EGFLAM: variants seen among roughly 807,000 people sequenced by gnomAD.
EGFLAM encodes the protein pikachurin.
A neutral mutation model predicts 113.1 loss-of-function variants in EGFLAM; 79 were observed. That is an observed-to-expected ratio of 0.70 (90% CI 0.58 to 0.84). The LOEUF is 0.84. Among genes scored for constraint, EGFLAM ranks in the 40% least tolerant of loss-of-function variants. The pLI is 0.00. For missense variants in EGFLAM, 1,265 were observed against 1,291.6 expected (o/e 0.98, Z 0.32); for synonymous variants, 504 against 487.6 (o/e 1.03, Z -0.44).
intron 6 of EGFLAM, among the ~76,000 whole-genome samples, chr5:38,380,181 C>A (rs1457302328): frequency 6.6e-6 from 1 of 152,228 alleles, no homozygotes; most frequent in African/African-American, 2.4e-5. Flanking sequence ...GGCCCACGGG[C>A]CACAGTTTGC....
In EGFLAM at chr5:38,445,740, C is replaced by T. The variant is rs760393863; in HGVS notation, c.2465-2561C>T. ...AGTCCTGTGAGAAACTGCGAGAGCGCTCTGGGCTGGGGCAGGCCAACCGCA... is the reference window on the plus strand; with the variant it reads ...AGTCCTGTGAGAAACTGCGAGAGCGTTCTGGGCTGGGGCAGGCCAACCGCA... On this transcript the variant is annotated intron_variant, in intron 17 of 21. Coordinates refer to ENST00000322350, the MANE Select transcript of EGFLAM (RefSeq NM_152403.4). The T allele has an allele frequency of 1.4e-5, 22 of 1,595,520 alleles. No individual in the cohort carries two copies. The African/African-American group carries it at 2.4e-4, about 17-fold the overall frequency.
intron 1 of EGFLAM, among the ~76,000 whole-genome samples, chr5:38,325,679 C>T (rs1028905118): frequency 4.6e-5 from 7 of 152,134 alleles, no homozygotes; most frequent in South Asian, 2.1e-4. Context: ...AAGATACTGG[C>T]GCACTATATG....
chr5:38,398,737 G>A (rs147542896), intron 6 of EGFLAM, among the ~76,000 whole-genome samples: 160 of 152,286 alleles, frequency 1.1e-3, no homozygotes, highest in South Asian at 5.8e-3. Context: ...AGGATCTTGG[G>A]AAGACTTTGA....
intron 1 of EGFLAM, among the ~76,000 whole-genome samples, chr5:38,294,452 G>A (rs944561936): frequency 2.0e-5 from 3 of 152,042 alleles, no homozygotes; most frequent in Non-Finnish European, 4.4e-5. Context: ...TTCCATTTTG[G>A]GGCAGGAGAT....
intron 3 of EGFLAM, among the ~76,000 whole-genome samples, chr5:38,345,118 T>A (rs1422528526): frequency 6.6e-6 from 1 of 152,162 alleles, no homozygotes; most frequent in Admixed American, 6.5e-5. Context: ...AGTCAGATAA[T>A]TAGAACCGTA....
intron 1 of EGFLAM, among the ~76,000 whole-genome samples, chr5:38,311,423 TGTAA>T (rs1345551678): frequency 2.6e-5 from 4 of 152,184 alleles, no homozygotes; most frequent in African/African-American, 9.7e-5. Flanking sequence ...AGATCCTATA[TGTAA>T]GTGAGATCAT....
At chr5:38,448,238 G>C (rs941838935) in intron 17 of EGFLAM, 63 bp from the exon 18 acceptor site, 2 of 1,539,700 alleles carry the variant, frequency 1.3e-6, no homozygotes, top group African/African-American at 2.9e-5. Context: ...CCTGCCATGT[G>C]TGTGAGTGCA....
chr5:38,416,384 GC>G (rs1490510430), intron 11 of EGFLAM, among the ~76,000 whole-genome samples: 1 of 152,200 alleles, frequency 6.6e-6, no homozygotes, highest in Non-Finnish European at 1.5e-5. Context: ...TATGGCTTCT[GC>G]CTGATCCAGT....
chr5:38,322,496 G>A (rs1395651991), intron 1 of EGFLAM, among the ~76,000 whole-genome samples: 7 of 152,176 alleles, frequency 4.6e-5, no homozygotes, highest in Admixed American at 3.9e-4. Context: ...ACTGCCCTGA[G>A]GAGCTGTTCC....
intron 17 of EGFLAM, among the ~76,000 whole-genome samples, chr5:38,440,258 G>T (rs757679734): frequency 3.9e-5 from 6 of 152,190 alleles, no homozygotes; most frequent in Admixed American, 6.5e-5. Flanking sequence ...TGTTGAATTA[G>T]TATCAGATTG....
intron 6 of EGFLAM, among the ~76,000 whole-genome samples, chr5:38,397,813 T>TAA (rs111277812): frequency 0.048 from 7,313 of 152,190 alleles, 580 homozygotes; most frequent in African/African-American, 0.16. Context: ...AAAGGGGACT[T>TAA]AAAAATCCAG....
intron 17 of EGFLAM, among the ~76,000 whole-genome samples, chr5:38,440,531 T>C (rs1050636201): frequency 2.0e-5 from 3 of 152,158 alleles, no homozygotes; most frequent in Non-Finnish European, 4.4e-5. Context: ...AGATGGGCGA[T>C]TATGTTGTTC....
chr5:38,429,091 T>C (rs1434635660), intron 14 of EGFLAM, among the ~76,000 whole-genome samples: 1 of 152,188 alleles, frequency 6.6e-6, no homozygotes, highest in African/African-American at 2.4e-5. Flanking sequence ...AGTTGTGGAA[T>C]TGGCCAGATC....
intron 1 of EGFLAM, among the ~76,000 whole-genome samples, chr5:38,309,257 A>G (rs1001836894): frequency 6.6e-6 from 1 of 152,238 alleles, no homozygotes; most frequent in African/African-American, 2.4e-5. Context: ...TGATACTACA[A>G]TGGTAACTTA....
intron 6 of EGFLAM, chr5:38,403,184 A>G (rs1741171403): frequency 6.6e-6 from 1 of 152,430 alleles, no homozygotes; most frequent in African/African-American, 2.4e-5. Context: ...AGAGATAGAT[A>G]CAGTAGTTCC....
At chr5:38,320,547 T>C (rs971768953) in intron 1 of EGFLAM, among the ~76,000 whole-genome samples, 1 of 152,170 alleles carries the variant, frequency 6.6e-6, no homozygotes, top group Non-Finnish European at 1.5e-5. Context: ...TAAGTCAGTT[T>C]CTCCTTGAGG....
intron 19 of EGFLAM, among the ~76,000 whole-genome samples, chr5:38,452,037 T>C (rs1742934483): frequency 1.0e-5 from 1 of 95,484 alleles, no homozygotes; most frequent in Non-Finnish European, 2.1e-5. Flanking sequence ...CCAACAGGAC[T>C]TTTTTTTTTT....
chr5:38,388,604 A>G (rs1740726312), intron 6 of EGFLAM, among the ~76,000 whole-genome samples: 1 of 151,730 alleles, frequency 6.6e-6, no homozygotes, highest in Non-Finnish European at 1.5e-5. Context: ...ATATATGTAT[A>G]TATAAATTAG....
At chr5:38,357,768 C>T (rs899543435) in intron 5 of EGFLAM, among the ~76,000 whole-genome samples, 3 of 151,906 alleles carry the variant, frequency 2.0e-5, no homozygotes, top group Non-Finnish European at 4.4e-5. Flanking sequence ...TCTCTCTGTC[C>T]TCATGGGCAC....
Sources: gnomAD v4.1 joint callset for allele counts (sites outside exome capture counted in the v4.1 genomes callset) on GRCh38, gnomAD v4.1.1 for gene constraint, MANE v1.5 for transcripts, NCBI Gene and HGNC (gene_info 2026-07-23, HGNC 2026-07-21) for gene names.